VPS8: variants seen among roughly 807,000 people sequenced by gnomAD.
The protein encoded by VPS8 is VPS8 subunit of CORVET complex, also known as vacuolar protein sorting-associated protein 8 homolog.
In VPS8, 129 loss-of-function variants were observed where a neutral mutation model predicts 216.4. That is an observed-to-expected ratio of 0.60 (90% CI 0.52 to 0.69). VPS8 has a LOEUF of 0.69. Among genes scored for constraint, VPS8 ranks in the 30% least tolerant of loss-of-function variants. VPS8 has a pLI of 0.00. For missense variants in VPS8, 1,531 were observed against 1,683.5 expected, an observed-to-expected ratio of 0.91 and a Z score of 1.59; for synonymous variants, 571 against 565.4, an observed-to-expected ratio of 1.01 and a Z score of -0.14.
chr3:184,950,136 G>A (rs1263639717), intron 36 of VPS8, among the ~76,000 whole-genome samples: 1 of 147,700 alleles, frequency 6.8e-6, no homozygotes, highest in African/African-American at 2.5e-5. Context: ...TCAAACTTCT[G>A]GCCTCAAAGA....
rs868727803 is a variant in VPS8 at position 184,838,843 on chromosome 3, T to C, written c.480+97T>C. 5.6e-5 allele frequency: 54 copies of C among 962,668 alleles called. No homozygotes were observed. In the African/African-American group the frequency reaches 6.8e-4, roughly 12 times the overall value. The allele number at this position is 962,668 out of a possible 1,614,324, so 59.6% of individuals were successfully genotyped here. ...GTTCAAAATACTACATAAGTTGTTA[T>C]GGTAATAAATTCACAAGTCATTTTA... On this transcript the variant is annotated intron_variant, in intron 6 of 47. Transcript: ENST00000625842.
chr3:185,044,555 G>T (rs902676333), intron 46 of VPS8, among the ~76,000 whole-genome samples: 2 of 152,034 alleles, frequency 1.3e-5, no homozygotes, highest in African/African-American at 4.8e-5. Flanking sequence ...CCTGTGCTGT[G>T]AACGGTCACC....
chr3:184,824,688 G>A lies in VPS8; in HGVS notation c.56G>A (p.Ser19Asn). The A allele has an allele frequency of 6.2e-7, 1 of 1,613,928 alleles. No individual in the cohort carries two copies. Among genetic ancestry groups the A allele is most frequent in the East Asian group, 2.2e-5 (1 of 44,880 alleles). ...NVEQSLCAKTSEEELNKSFNL... is the reference protein window; with the variant it reads ...NVEQSLCAKTNEEELNKSFNL... The stretch of plus-strand genomic sequence containing the variant: ...GAACAGAGCCTCTGTGCCAAGACGA[G>A]CGAAGAAGAGCTGAATAAGTCTTTC... The change falls in exon 2 of 48, where the codon AGC becomes AAC. Residue 19 changes from serine to asparagine, a missense_variant. Physicochemically the swap from Ser to Asn is conservative, Grantham distance 46 (BLOSUM62 1). Around this residue, in one of 3 missense-constraint regions of VPS8, gnomAD observed 199 missense variants for 182.2 expected, o/e 1.09. Coordinates refer to ENST00000625842, the MANE Select transcript of VPS8 (RefSeq NM_001009921.3).
At chr3:184,991,830 A>G (rs1283668027) in intron 42 of VPS8, among the ~76,000 whole-genome samples, 2 of 152,174 alleles carry the variant, frequency 1.3e-5, no homozygotes, top group Non-Finnish European at 2.9e-5. Context: ...CTGAAGGACT[A>G]GTCTGAAATA....
intron 44 of VPS8, 46 bp downstream of exon 44, chr3:184,996,547 G>A (rs1189383837): frequency 6.5e-7 from 1 of 1,532,922 alleles, no homozygotes; most frequent in Admixed American, 2.0e-5. Context: ...ATGTACATCT[G>A]TGGCATTACC....
chr3:184,913,324 T>TATTG, intron 25 of VPS8, among the ~76,000 whole-genome samples, 195 bp from the exon 26 acceptor site: 1 of 152,342 alleles, frequency 6.6e-6, no homozygotes, highest in African/African-American at 2.4e-5. Context: ...GGGTAGCTTA[T>TATTG]ATTGCTCTTG....
intron 1 of VPS8, among the ~76,000 whole-genome samples, chr3:184,820,444 A>G (rs2108486611): frequency 6.6e-6 from 1 of 152,268 alleles, no homozygotes; most frequent in Middle Eastern, 3.4e-3. Flanking sequence ...CACCCAAATC[A>G]TCCGGAATAA....
rs779924781 is a variant in VPS8 at position 184,994,045 on chromosome 3, T to A, written c.3648T>A (p.Asp1216Glu). Residue 1216 changes from aspartate to glutamate, a missense_variant, in exon 43 of 48, where the codon GAT (aspartate) becomes GAA (glutamate). Around this residue, in one of 3 missense-constraint regions of VPS8, gnomAD observed 1,318 missense variants for 1,468.4 expected, o/e 0.90. Coordinates refer to ENST00000625842, the MANE Select transcript of VPS8 (RefSeq NM_001009921.3). Reference sequence around the variant, plus strand: ...AGGGACTTATCTTGGGAATGTTAGATACCTTTAACTATGAACAAGTAAGTA... The same window carrying A: ...AGGGACTTATCTTGGGAATGTTAGAAACCTTTAACTATGAACAAGTAAGTA... ...EIQGLILGMLDTFNYEQTLLE... is the reference protein window; with the variant it reads ...EIQGLILGMLETFNYEQTLLE... The A allele has an allele frequency of 6.4e-7, 1 of 1,563,778 alleles. No homozygotes were observed. The highest frequency in any genetic ancestry group is 1.2e-5 in the South Asian group (1 of 81,572).
intron 30 of VPS8, among the ~76,000 whole-genome samples, chr3:184,925,958 A>AG (rs1189498285): frequency 1.3e-5 from 2 of 150,786 alleles, no homozygotes; most frequent in Non-Finnish European, 3.0e-5. Flanking sequence ...TATTTTTTGT[A>AG]GAGATGGGGT....
intron 25 of VPS8, among the ~76,000 whole-genome samples, chr3:184,912,837 T>C (rs1012919969): frequency 2.0e-5 from 3 of 152,194 alleles, no homozygotes; most frequent in African/African-American, 7.2e-5. Flanking sequence ...ACTCCAGCTC[T>C]TCATTATTGC....
intron 46 of VPS8, among the ~76,000 whole-genome samples, chr3:185,036,511 A>G (rs1758906237): frequency 6.6e-6 from 1 of 152,156 alleles, no homozygotes; most frequent in Non-Finnish European, 1.5e-5. Flanking sequence ...CAATGGGGAA[A>G]GGACTCCCTA....
At chr3:184,907,256 AT>A (rs1489980203) in intron 25 of VPS8, among the ~76,000 whole-genome samples, 2 of 152,188 alleles carry the variant, frequency 1.3e-5, no homozygotes, top group East Asian at 3.8e-4. Context: ...TGAATACACA[AT>A]TTAGTCTGGC....
At chr3:184,896,984 A>G (rs1484532851) in intron 23 of VPS8, among the ~76,000 whole-genome samples, 1 of 152,202 alleles carries the variant, frequency 6.6e-6, no homozygotes, top group Non-Finnish European at 1.5e-5. Flanking sequence ...TAAAAGCAAC[A>G]GCTAGCATTT....
chr3:184,947,516 A>G (rs4422281), intron 36 of VPS8, among the ~76,000 whole-genome samples: 115,932 of 151,508 alleles, frequency 0.77, 45,186 homozygotes, highest in African/African-American at 0.85. Flanking sequence ...TTGATCAGTT[A>G]TATCTTATTT....
intron 45 of VPS8, among the ~76,000 whole-genome samples, chr3:185,005,765 T>G (rs889667829): frequency 2.0e-5 from 3 of 152,212 alleles, no homozygotes; most frequent in African/African-American, 7.2e-5. Flanking sequence ...TAAATCTTTA[T>G]TGAATTCCTT....
At chr3:184,897,746 C>T (rs1209211579) in intron 23 of VPS8, among the ~76,000 whole-genome samples, 6 of 152,170 alleles carry the variant, frequency 3.9e-5, no homozygotes, top group Non-Finnish European at 1.5e-5. Flanking sequence ...CCTTTGCCGA[C>T]TTCTGCCCTT....
At position 184,936,236 on chromosome 3, in the gene VPS8, T is replaced by A; in HGVS notation, c.2899-10T>A. The A allele has an allele frequency of 6.3e-7, 1 of 1,598,484 alleles. No homozygotes were observed. Among genetic ancestry groups the A allele is most frequent in the Non-Finnish European group, 8.5e-7 (1 of 1,171,972 alleles). ...ATTAGAGATGGCTTTGTCTTTTCCT[T>A]TAACTCCAGGAACTCGTGTCCCTGA... On this transcript the variant is annotated splice_polypyrimidine_tract_variant and intron_variant, in intron 34 of 47. Transcript: ENST00000625842.
chr3:184,950,664 G>A (rs1744538578), intron 36 of VPS8, among the ~76,000 whole-genome samples: 2 of 152,084 alleles, frequency 1.3e-5, no homozygotes, highest in Admixed American at 1.3e-4. Flanking sequence ...AGGTATACAT[G>A]TGCCATGGTG....
At chr3:185,025,002 C>CAAAA (rs10672539) in intron 46 of VPS8, among the ~76,000 whole-genome samples, 2 of 149,956 alleles carry the variant, frequency 1.3e-5, no homozygotes, top group African/African-American at 5.0e-5. Flanking sequence ...AACTCCATCT[C>CAAAA]AAAAAAAGAA....
Sources: allele counts gnomAD v4.1 joint callset (sites outside exome capture counted in the v4.1 genomes callset), GRCh38; gene constraint gnomAD v4.1.1; regional missense constraint gnomAD v4.1.1; transcripts MANE v1.5; gene names NCBI Gene and HGNC (gene_info 2026-07-23, HGNC 2026-07-21).